The following DIS3L2 variants were observed in gnomAD, a reference collection of about 807,000 sequenced individuals.
DIS3L2 encodes the protein DIS3-like exonuclease 2.
A neutral mutation model predicts 97.5 loss-of-function variants in DIS3L2; 34 were observed. That is an observed-to-expected ratio of 0.35 (90% CI 0.27 to 0.46). The LOEUF is 0.46. DIS3L2 is among the 20% of genes least tolerant of loss of function. The probability of loss-of-function intolerance (pLI) is 1.00; values close to 1 mark genes in which losing one functional copy is unlikely to be tolerated. For missense variants in DIS3L2, 1,038 were observed against 1,146.0 expected, an observed-to-expected ratio of 0.91 and a Z score of 1.36; for synonymous variants, 435 against 445.2, an observed-to-expected ratio of 0.98 and a Z score of 0.29.
intron 8 of DIS3L2, among the ~76,000 whole-genome samples, chr2:232,153,545 T>C (rs1487488583): frequency 3.5e-5 from 2 of 56,640 alleles, no homozygotes; most frequent in Non-Finnish European, 7.1e-5. Context: ...CTCTTCTGGC[T>C]TGTAGGGTTT....
At chr2:232,144,545 C>T (rs1018231643) in intron 8 of DIS3L2, among the ~76,000 whole-genome samples, 15 of 151,930 alleles carry the variant, frequency 9.9e-5, no homozygotes, top group Non-Finnish European at 7.4e-5. Context: ...CAGAGAGTTC[C>T]TGTATATCTT....
chr2:231,999,025 A>G (rs1158063716), intron 1 of DIS3L2, among the ~76,000 whole-genome samples: 1 of 152,136 alleles, frequency 6.6e-6, no homozygotes, highest in African/African-American at 2.4e-5. Flanking sequence ...GGCTTGGCAA[A>G]CCTTTTCTGT....
chr2:232,155,710 G>T (rs1307618691), intron 8 of DIS3L2, among the ~76,000 whole-genome samples: 1 of 152,040 alleles, frequency 6.6e-6, no homozygotes, highest in Non-Finnish European at 1.5e-5. Flanking sequence ...ATGTTTTCTG[G>T]CCAGGCGTGG....
intron 13 of DIS3L2, among the ~76,000 whole-genome samples, chr2:232,285,988 G>T (rs1358047950): frequency 6.6e-6 from 1 of 152,226 alleles, no homozygotes; most frequent in Non-Finnish European, 1.5e-5. Context: ...TAACTGAGAA[G>T]AATCAGGCCA....
intron 13 of DIS3L2, among the ~76,000 whole-genome samples, chr2:232,265,188 C>A (rs1179658280): frequency 1.3e-5 from 2 of 152,210 alleles, no homozygotes; most frequent in African/African-American, 4.8e-5. Context: ...CCCTTTGAAA[C>A]CCACCTCCTG....
At chr2:232,213,265 C>T (rs1692237393) in intron 10 of DIS3L2, among the ~76,000 whole-genome samples, 1 of 151,972 alleles carries the variant, frequency 6.6e-6, no homozygotes, top group African/African-American at 2.4e-5. Flanking sequence ...TATGAGGTGC[C>T]AGAAATCACA....
intron 13 of DIS3L2, among the ~76,000 whole-genome samples, chr2:232,282,812 C>T (rs1349906719): frequency 6.6e-6 from 1 of 152,212 alleles, no homozygotes; most frequent in Non-Finnish European, 1.5e-5. Flanking sequence ...GCAGAGAGCA[C>T]TTGGCCATTT....
intron 7 of DIS3L2, chr2:232,131,989 TG>T (rs1392593391): frequency 8.6e-5 from 4 of 46,608 alleles, no homozygotes; most frequent in African/African-American, 3.1e-4. Flanking sequence ...TGGGCGGGGG[TG>T]GGGGTGTTCA....
intron 14 of DIS3L2, among the ~76,000 whole-genome samples, chr2:232,326,443 C>A (rs114852745): frequency 0.019 from 2,966 of 152,310 alleles, 102 homozygotes; most frequent in African/African-American, 0.068. Context: ...GGGGACCCAC[C>A]TTCCAGCCAC....
chr2:232,077,998 TTTCTTTC>T (rs1696261042), intron 5 of DIS3L2, among the ~76,000 whole-genome samples: 1 of 143,326 alleles, frequency 7.0e-6, no homozygotes. Context: ...TCTTTCTTTC[TTTCTTTC>T]TTTCTTTCTT....
intron 12 of DIS3L2, among the ~76,000 whole-genome samples, chr2:232,254,244 C>A (rs570962859): frequency 1.3e-5 from 2 of 151,452 alleles, no homozygotes; most frequent in African/African-American, 4.9e-5. Context: ...TCTTAAATAT[C>A]GGGTTAATAA....
At chr2:232,236,572 G>A (rs1175886769) in intron 10 of DIS3L2, among the ~76,000 whole-genome samples, 2 of 152,056 alleles carry the variant, frequency 1.3e-5, no homozygotes, top group African/African-American at 2.4e-5. Context: ...GCAGCTCCAG[G>A]TTTATGTGGT....
chr2:232,207,115 C>G (rs1692047248), intron 9 of DIS3L2, among the ~76,000 whole-genome samples: 1 of 152,100 alleles, frequency 6.6e-6, no homozygotes, highest in African/African-American at 2.4e-5. Flanking sequence ...ATTTTTTTGG[C>G]TTTTTATGAT....
chr2:232,201,060 C>T (rs1441136176), intron 9 of DIS3L2, among the ~76,000 whole-genome samples: 1 of 152,214 alleles, frequency 6.6e-6, no homozygotes, highest in Non-Finnish European at 1.5e-5. Flanking sequence ...CAGGCGTGAG[C>T]CACCGTGCCT....
intron 8 of DIS3L2, among the ~76,000 whole-genome samples, chr2:232,160,995 G>T (rs150574018): frequency 6.6e-6 from 1 of 152,058 alleles, no homozygotes; most frequent in African/African-American, 2.4e-5. Context: ...TCGGCTCACC[G>T]CAACCTCCGC....
intron 1 of DIS3L2, among the ~76,000 whole-genome samples, chr2:232,009,259 C>T (rs907104410): frequency 2.0e-5 from 3 of 152,152 alleles, no homozygotes; most frequent in African/African-American, 7.2e-5. Context: ...GTATGGGTCA[C>T]GCTTTTCTGA....
rs182461496 is a variant in DIS3L2 at position 231,999,608 on chromosome 2, A to G, written c.-93-15227A>G. Among the ~76,000 whole-genome samples the G allele has an allele frequency of 3.9e-3, 593 of 152,274 alleles. 3 individuals carry two copies. The highest frequency in any genetic ancestry group is 0.014 in the African/African-American group (562 of 41,550). Reference sequence around the variant, plus strand: ...TATTTACTTATTTGTTCCATCTAGGATATATAGAAAGCAGTTTTGGAATTG... The same window carrying G: ...TATTTACTTATTTGTTCCATCTAGGGTATATAGAAAGCAGTTTTGGAATTG... On this transcript the variant is annotated intron_variant, in intron 1 of 20. Transcript: ENST00000325385.
intron 8 of DIS3L2, among the ~76,000 whole-genome samples, chr2:232,148,502 G>C (rs922418653): frequency 6.6e-6 from 1 of 152,086 alleles, no homozygotes; most frequent in Non-Finnish European, 1.5e-5. Context: ...TTTAAATAAG[G>C]AACTTGAGAA....
At chr2:231,981,513 G>A (rs984799177) in intron 1 of DIS3L2, among the ~76,000 whole-genome samples, 1 of 147,042 alleles carries the variant, frequency 6.8e-6, no homozygotes, top group South Asian at 2.2e-4. Context: ...GTTGGCTAGG[G>A]CTGCTCCAGC....
Sources: allele counts gnomAD v4.1 joint callset (sites outside exome capture counted in the v4.1 genomes callset), GRCh38; gene constraint gnomAD v4.1.1; transcripts MANE v1.5; gene names NCBI Gene and HGNC (gene_info 2026-07-23, HGNC 2026-07-21).